The following FOXK1 variants were observed in gnomAD, a reference collection of about 807,000 sequenced individuals.
The protein encoded by FOXK1 is forkhead box K1, also known as forkhead box protein K1.
FOXK1 carries 19 observed loss-of-function variants against 51.9 expected under a neutral mutation model. That is an observed-to-expected ratio of 0.37 (90% CI 0.26 to 0.54). The LOEUF is 0.54. FOXK1 is among the 20% of genes least tolerant of loss of function. FOXK1 has a pLI of 0.87. For synonymous variants in FOXK1, 537 were observed against 482.6 expected, an observed-to-expected ratio of 1.11 and a Z score of -1.48; for missense variants, 870 against 1,032.7, an observed-to-expected ratio of 0.84 and a Z score of 2.16.
At position 4,763,427 on chromosome 7, in the gene FOXK1, TCCAGCTGCTTTTTCAC is replaced by T. The variant is rs1780965305; in HGVS notation, c.*968_*983del. On this transcript the variant is annotated 3_prime_UTR_variant, in exon 9 of 9. Transcript: ENST00000328914. ...CCTAACAGTGCCAAACGCCATCTGC[TCCAGCTGCTTTTTCAC>T]CCAGTTGCAGAGTCCTCACCACTCC... 6.6e-6 allele frequency: 1 copy of T among 152,306 alleles called. No individual in the cohort carries two copies. The highest frequency in any genetic ancestry group is 2.1e-4 in the South Asian group (1 of 4,830). The allele number at this position is 152,306 out of a possible 1,614,324, so 9.4% of individuals were successfully genotyped here.
Position 4,711,588 on chromosome 7 carries a change from G to C in FOXK1, c.560+28720G>C, listed in dbSNP as rs1780174801. Among the ~76,000 whole-genome samples the C allele has an allele frequency of 6.6e-6, 1 of 152,218 alleles. No homozygotes were observed. Among genetic ancestry groups the C allele is most frequent in the Non-Finnish European group, 1.5e-5 (1 of 68,042 alleles). On this transcript the variant is annotated intron_variant, in intron 1 of 8. Transcript: ENST00000328914. The surrounding 1 kb of genome is among the most constrained non-coding windows in gnomAD (Gnocchi z 6.3). ...CAGTTGGATGGGGAGATCAGAGTGGGTCTCAAGAGTGCCACTCCTCGGCAT... is the reference window on the plus strand; with the variant it reads ...CAGTTGGATGGGGAGATCAGAGTGGCTCTCAAGAGTGCCACTCCTCGGCAT...
chr7:4,714,336 T>G (rs1016750568), intron 1 of FOXK1, among the ~76,000 whole-genome samples: 10 of 152,136 alleles, frequency 6.6e-5, no homozygotes, highest in Non-Finnish European at 1.0e-4. Context: ...TGGAGTGCAA[T>G]GGCGCGATCT....
intron 1 of FOXK1, among the ~76,000 whole-genome samples, chr7:4,686,314 A>G (rs1385772745): frequency 1.3e-5 from 2 of 152,222 alleles, no homozygotes; most frequent in Non-Finnish European, 2.9e-5. Flanking sequence ...ACCTTGGGAC[A>G]GGTACATGCC....
At chr7:4,699,699 G>T (rs1779998148) in intron 1 of FOXK1, among the ~76,000 whole-genome samples, 1 of 152,080 alleles carries the variant, frequency 6.6e-6, no homozygotes, top group Non-Finnish European at 1.5e-5. Context: ...CTTGGTTTAG[G>T]TGTTGTCTGG....
Position 4,745,863 on chromosome 7 carries a change from C to T in FOXK1, c.746+4840C>T, listed in dbSNP as rs988404364. ...CAAGATTGCACCACTCCAGACTGGG[C>T]GGCAGAGCGAGACTCCATCTCAAAA... is the stretch of plus-strand genomic sequence containing the variant. On this transcript the variant is annotated intron_variant, in intron 2 of 8. Coordinates refer to ENST00000328914, the MANE Select transcript of FOXK1 (RefSeq NM_001037165.2). This position sits in a 1 kb window ranked among gnomAD's most constrained non-coding sequence, Gnocchi z 4.3. 7.3e-5 allele frequency among the ~76,000 whole-genome samples: 11 copies of T among 150,160 alleles called. No homozygotes were observed. Among genetic ancestry groups the T allele is most frequent in the African/African-American group, 2.0e-4 (8 of 40,922 alleles).
intron 1 of FOXK1, among the ~76,000 whole-genome samples, chr7:4,724,774 T>C (rs1283161434): frequency 6.6e-6 from 1 of 152,186 alleles, no homozygotes; most frequent in Non-Finnish European, 1.5e-5. Flanking sequence ...TCATTATGTT[T>C]CCATTCCAGA....
intron 1 of FOXK1, among the ~76,000 whole-genome samples, chr7:4,697,485 C>T (rs1270576777): frequency 2.0e-5 from 3 of 152,154 alleles, no homozygotes; most frequent in African/African-American, 4.8e-5. Context: ...TGAGCTGAGC[C>T]GGAGACCATG....
Position 4,767,293 on chromosome 7 carries a change from A to C in FOXK1, c.*4829A>C, listed in dbSNP as rs1048937126. On this transcript the variant is annotated 3_prime_UTR_variant, in exon 9 of 9. Transcript: ENST00000328914. The surrounding 1 kb of genome is among the most constrained non-coding windows in gnomAD (Gnocchi z 6.6). ...TCCTCACGCTGGAGTAAGTTACGAA[A>C]CATGATCGTCAGGCTCTTTGCAAAC... 2 of 152,248 alleles carry C rather than the reference A, an allele frequency of 1.3e-5. No individual in the cohort carries two copies. Among genetic ancestry groups the C allele is most frequent in the African/African-American group, 4.8e-5 (2 of 41,466 alleles). The allele number at this position is 152,248 out of a possible 1,614,324, so 9.4% of individuals were successfully genotyped here. A position where few individuals can be genotyped will look rare whatever the true frequency, so the allele number is the denominator to read the frequency against.
intron 1 of FOXK1, among the ~76,000 whole-genome samples, chr7:4,695,775 A>G (rs1043498245): frequency 2.6e-5 from 4 of 152,054 alleles, no homozygotes; most frequent in Admixed American, 6.5e-5. Context: ...CGTCTCTACT[A>G]AAAATACAAA....
At position 4,749,007 on chromosome 7, in the gene FOXK1, C is replaced by A. The variant is rs189697266; in HGVS notation, c.747-5452C>A. Among the ~76,000 whole-genome samples, 24 of 152,354 alleles carry A rather than the reference C, an allele frequency of 1.6e-4. No individual in the cohort carries two copies. The South Asian group carries it at 1.7e-3, about 11-fold the overall frequency. On this transcript the variant is annotated intron_variant, in intron 2 of 8. Coordinates refer to ENST00000328914, the MANE Select transcript of FOXK1 (RefSeq NM_001037165.2). This position sits in a 1 kb window ranked among gnomAD's most constrained non-coding sequence, Gnocchi z 6.0. ...CAGGTTCCTGTCCACGCTTCTGGGA[C>A]TGGCTGTGCCTGGCGGGCCTCTGAG...
intron 1 of FOXK1, among the ~76,000 whole-genome samples, chr7:4,739,582 T>G (rs533015948): frequency 1.3e-5 from 2 of 152,308 alleles, no homozygotes; most frequent in East Asian, 3.9e-4. Context: ...AGCACACTGG[T>G]GTTGACCCTG....
At chr7:4,691,637 A>C (rs897735545) in intron 1 of FOXK1, among the ~76,000 whole-genome samples, 1 of 152,142 alleles carries the variant, frequency 6.6e-6, no homozygotes, top group Non-Finnish European at 1.5e-5. Flanking sequence ...CGCCCAGCCC[A>C]GGCCATTATA....
intron 2 of FOXK1, among the ~76,000 whole-genome samples, chr7:4,751,146 C>G (rs188935661): frequency 1.3e-5 from 2 of 151,570 alleles, no homozygotes; most frequent in African/African-American, 2.4e-5. Flanking sequence ...TCCAGAGTAG[C>G]TGGTACTACA....
Position 4,703,945 on chromosome 7 carries a change from GA to G in FOXK1, c.560+21083del, listed in dbSNP as rs1328244961. Among the ~76,000 whole-genome samples the G allele has an allele frequency of 6.6e-6, 1 of 152,084 alleles. No homozygotes were observed. Among genetic ancestry groups the G allele is most frequent in the Non-Finnish European group, 1.5e-5 (1 of 67,996 alleles). ...AAATACAGAAAACCAAACCTGGTGG[GA>G]AAAAATGCGTGTATACGTACCCCTA... On this transcript the variant is annotated intron_variant, in intron 1 of 8. Coordinates refer to ENST00000328914, the MANE Select transcript of FOXK1 (RefSeq NM_001037165.2). The surrounding 1 kb of genome is among the most constrained non-coding windows in gnomAD (Gnocchi z 5.6).
intron 1 of FOXK1, among the ~76,000 whole-genome samples, chr7:4,696,813 A>G (rs1198640142): frequency 6.6e-6 from 1 of 152,172 alleles, no homozygotes; most frequent in Admixed American, 6.5e-5. Flanking sequence ...CACGCCTGTA[A>G]TCCTAACACT....
intron 2 of FOXK1, among the ~76,000 whole-genome samples, chr7:4,741,777 T>C (rs554255930): frequency 6.6e-6 from 1 of 152,394 alleles, no homozygotes; most frequent in East Asian, 1.9e-4. Flanking sequence ...TGGCATGTTA[T>C]ACAATGATGA....
chr7:4,692,214 GC>G (rs1355828279), intron 1 of FOXK1, among the ~76,000 whole-genome samples: 1 of 152,176 alleles, frequency 6.6e-6, no homozygotes, highest in African/African-American at 2.4e-5. Flanking sequence ...ATAGAAGACA[GC>G]TGGAATCCAT....
rs1282129567 is a variant in FOXK1, at chr7:4,729,919, G to C, written c.561-10919G>C. Among the ~76,000 whole-genome samples, 1 of 152,142 alleles carries C rather than the reference G, an allele frequency of 6.6e-6. No homozygotes were observed. Among genetic ancestry groups the C allele is most frequent in the East Asian group, 1.9e-4 (1 of 5,178 alleles). Reference sequence around the variant, plus strand: ...GCAGGAGAATCGCTTGAACCCGGAAGGTGGAGTTTGCAGTGAGCTGAGATC... The same window carrying C: ...GCAGGAGAATCGCTTGAACCCGGAACGTGGAGTTTGCAGTGAGCTGAGATC... On this transcript the variant is annotated intron_variant, in intron 1 of 8. Coordinates refer to ENST00000328914, the MANE Select transcript of FOXK1 (RefSeq NM_001037165.2). The surrounding 1 kb of genome is among the most constrained non-coding windows in gnomAD (Gnocchi z 6.2).
rs1036208667 is a variant in FOXK1, at chr7:4,683,898, C to T, written c.560+1030C>T. Among the ~76,000 whole-genome samples the T allele has an allele frequency of 6.6e-6, 1 of 152,156 alleles. No homozygotes were observed. The highest frequency in any genetic ancestry group is 6.5e-5 in the Admixed American group (1 of 15,272). Reference sequence around the variant, plus strand: ...GGCGGGGAGGGGCGAGGACAGGAAGCCTGTGCCTCAGTTTACATCCCCAAC... The same window carrying T: ...GGCGGGGAGGGGCGAGGACAGGAAGTCTGTGCCTCAGTTTACATCCCCAAC... On this transcript the variant is annotated intron_variant, in intron 1 of 8. Coordinates refer to ENST00000328914, the MANE Select transcript of FOXK1 (RefSeq NM_001037165.2). The surrounding 1 kb of genome is among the most constrained non-coding windows in gnomAD (Gnocchi z 4.5).
Sources: allele counts gnomAD v4.1 joint callset (sites outside exome capture counted in the v4.1 genomes callset), GRCh38; gene constraint gnomAD v4.1.1; non-coding constraint Gnocchi (gnomAD v3.1); transcripts MANE v1.5; gene names NCBI Gene and HGNC (gene_info 2026-07-23, HGNC 2026-07-21).